DCC: variants seen among roughly 807,000 people sequenced by gnomAD.
The protein encoded by DCC is netrin receptor DCC.
A neutral mutation model predicts 172.5 loss-of-function variants in DCC; 58 were observed. The observed-to-expected ratio is 0.34, with a 90% CI of 0.27 to 0.42. The LOEUF (loss-of-function observed/expected upper bound fraction) is 0.42. DCC is among the 10% of genes least tolerant of loss of function. DCC has a pLI of 1.00. For missense variants in DCC, 1,740 were observed against 1,791.0 expected, an observed-to-expected ratio of 0.97 and a Z score of 0.51; for synonymous variants, 709 against 644.5, an observed-to-expected ratio of 1.10 and a Z score of -1.52.
intron 15 of DCC, among the ~76,000 whole-genome samples, chr18:53,380,256 C>A (rs906961810): frequency 6.6e-6 from 1 of 152,172 alleles, no homozygotes; most frequent in African/African-American, 2.4e-5. Flanking sequence ...AATAGTTCCA[C>A]ATTGCTCTCC....
intron 2 of DCC, among the ~76,000 whole-genome samples, chr18:52,903,350 G>A (rs1370544284): frequency 6.6e-6 from 1 of 152,066 alleles, no homozygotes. Flanking sequence ...GACCACAGGT[G>A]TGTGCCACCA....
At chr18:53,320,244 T>C (rs949978485) in intron 13 of DCC, among the ~76,000 whole-genome samples, 1 of 151,908 alleles carries the variant, frequency 6.6e-6, no homozygotes, top group African/African-American at 2.4e-5. Flanking sequence ...AGCTAATTTT[T>C]TGTATCTTTA....
chr18:52,381,018 C>A (rs1489011596), intron 1 of DCC, among the ~76,000 whole-genome samples: 1 of 152,028 alleles, frequency 6.6e-6, no homozygotes, highest in Non-Finnish European at 1.5e-5. Context: ...TAACAAAGAA[C>A]AACTTGGCAT....
chr18:52,841,901 C>T (rs1050435241), intron 2 of DCC, among the ~76,000 whole-genome samples: 2 of 151,942 alleles, frequency 1.3e-5, no homozygotes, highest in African/African-American at 4.8e-5. Context: ...CACTTAGTAA[C>T]ATGTTAATAC....
chr18:52,875,565 C>T (rs1755359295), intron 2 of DCC, among the ~76,000 whole-genome samples: 1 of 152,140 alleles, frequency 6.6e-6, no homozygotes, highest in African/African-American at 2.4e-5. Context: ...ACTAAACTTG[C>T]AGTCAGGGAT....
chr18:52,444,311 A>G (rs1162945713), intron 1 of DCC, among the ~76,000 whole-genome samples: 8 of 152,194 alleles, frequency 5.3e-5, no homozygotes, highest in African/African-American at 1.9e-4. Context: ...TCTAAATATG[A>G]ATGAAAAAAC....
At chr18:53,485,552 C>A (rs2045890599) in intron 25 of DCC, among the ~76,000 whole-genome samples, 1 of 151,884 alleles carries the variant, frequency 6.6e-6, no homozygotes, top group Non-Finnish European at 1.5e-5. Flanking sequence ...CAAACCAGTC[C>A]ATCAAAATGC....
chr18:52,927,456 G>A (rs892025598), intron 5 of DCC, among the ~76,000 whole-genome samples: 4 of 151,670 alleles, frequency 2.6e-5, no homozygotes, highest in African/African-American at 9.7e-5. Context: ...AATACTTTTG[G>A]TATCTTGGCA....
chr18:52,868,995 A>C (rs1424176830), intron 2 of DCC, among the ~76,000 whole-genome samples: 1 of 152,220 alleles, frequency 6.6e-6, no homozygotes, highest in Non-Finnish European at 1.5e-5. Flanking sequence ...GGAATACTGG[A>C]GATGGCAGGA....
At chr18:53,291,823 T>A (rs1233869953) in intron 12 of DCC, among the ~76,000 whole-genome samples, 1 of 152,216 alleles carries the variant, frequency 6.6e-6, no homozygotes, top group Non-Finnish European at 1.5e-5. Flanking sequence ...AGTCTATTGA[T>A]ACTGACAAAT....
intron 2 of DCC, among the ~76,000 whole-genome samples, chr18:52,840,447 T>C (rs1292483571): frequency 6.6e-6 from 1 of 152,224 alleles, no homozygotes; most frequent in Non-Finnish European, 1.5e-5. Flanking sequence ...ATCTGGTGCC[T>C]GCATTCTCAG....
chr18:53,111,451 A>G (rs2043330800), intron 7 of DCC, among the ~76,000 whole-genome samples: 1 of 151,036 alleles, frequency 6.6e-6, no homozygotes, highest in Non-Finnish European at 1.5e-5. Flanking sequence ...AGATTAAAAA[A>G]AAAAAAGAGA....
At chr18:52,798,014 G>A (rs1356781750) in intron 2 of DCC, among the ~76,000 whole-genome samples, 1 of 152,174 alleles carries the variant, frequency 6.6e-6, no homozygotes, top group Non-Finnish European at 1.5e-5. Context: ...GGAGGGCAGG[G>A]AAGATTAATC....
chr18:52,616,204 C>T (rs938655276), intron 1 of DCC, among the ~76,000 whole-genome samples: 1 of 152,076 alleles, frequency 6.6e-6, no homozygotes, highest in African/African-American at 2.4e-5. Flanking sequence ...TAGGATAACA[C>T]TTGGCATTTA....
intron 1 of DCC, among the ~76,000 whole-genome samples, chr18:52,413,363 G>A (rs1415313135): frequency 6.6e-6 from 1 of 151,026 alleles, no homozygotes; most frequent in Non-Finnish European, 1.5e-5. Context: ...ATGTCTAGAT[G>A]ATTCATATAT....
At chr18:52,765,023 C>CTTTTTT (rs963400763) in intron 2 of DCC, among the ~76,000 whole-genome samples, 1 of 142,442 alleles carries the variant, frequency 7.0e-6, no homozygotes, top group African/African-American at 3.0e-5. Flanking sequence ...ATTTTCTTTT[C>CTTTTTT]TTTTTTTTCT....
At chr18:53,011,200 G>A (rs1462348664) in intron 5 of DCC, among the ~76,000 whole-genome samples, 4 of 151,512 alleles carry the variant, frequency 2.6e-5, no homozygotes, top group Admixed American at 6.6e-5. Flanking sequence ...ATAAATTGTT[G>A]TGTTTAAGTG....
chr18:53,446,098 C>CAAAAAAAAAAAAAAAAAAA (rs1246126122), intron 22 of DCC, among the ~76,000 whole-genome samples: 2 of 32,272 alleles, frequency 6.2e-5, no homozygotes, highest in Non-Finnish European at 2.2e-4. Context: ...CCTGTCTCTA[C>CAAAAAAAAAAAAAAAAAAA]AAAAAAAAAA....
chr18:52,601,602 C>T (rs2034019585), intron 1 of DCC, among the ~76,000 whole-genome samples: 1 of 151,934 alleles, frequency 6.6e-6, no homozygotes, highest in Non-Finnish European at 1.5e-5. Context: ...CTATTAACTC[C>T]TTCTGAGGTT....
Sources: allele counts gnomAD v4.1 joint callset (sites outside exome capture counted in the v4.1 genomes callset), GRCh38; gene constraint gnomAD v4.1.1; transcripts MANE v1.5; gene names NCBI Gene and HGNC (gene_info 2026-07-23, HGNC 2026-07-21).